Variants in POLRMT observed in about 807,000 individuals in gnomAD.
The protein encoded by POLRMT is RNA polymerase mitochondrial, also known as DNA-directed RNA polymerase, mitochondrial.
A neutral mutation model predicts 132.2 loss-of-function variants in POLRMT; 114 were observed. The ratio of observed to expected loss-of-function variants is 0.86; its 90% CI spans 0.74 to 1.01. POLRMT has a LOEUF of 1.01. Among genes scored for constraint, POLRMT ranks in the 50% least tolerant of loss-of-function variants. The pLI is 0.00. For missense variants in POLRMT, 2,003 were observed against 1,729.1 expected (o/e 1.16, Z -2.81); for synonymous variants, 1,020 against 773.4 (o/e 1.32, Z -5.29).
chr19:623,113 T>A (rs1276380440), intron 6 of POLRMT, 128 bp from the exon 7 acceptor site: 1 of 1,227,440 alleles, frequency 8.1e-7, no homozygotes, highest in African/African-American at 1.5e-5. Flanking sequence ...GTGTTCCGGG[T>A]AGCTCCTCAC....
chr19:627,944 A>G (rs1263326233), intron 3 of POLRMT, among the ~76,000 whole-genome samples: 2 of 147,674 alleles, frequency 1.4e-5, no homozygotes, highest in East Asian at 2.0e-4. Context: ...AAAAAAAAAA[A>G]GATAGAAGCA....
chr19:620,039 G>A lies in POLRMT; in HGVS notation c.2805C>T (p.Gly935=), dbSNP rs769592980. ...CNGLQHYAAL[G]RDSVGAASVN... ...CGGAGGCGGCGCCCACGCTGTCGCG[G>A]CCCAGAGCAGCATAATGCTGCAGGC... The change falls in exon 12 of 21, where the codon GGC becomes GGT. Residue 935 remains glycine (G), a synonymous_variant. Transcript: ENST00000588649. 8 of 1,556,576 alleles carry A rather than the reference G, an allele frequency of 5.1e-6. No individual in the cohort carries two copies. The highest frequency in any genetic ancestry group is 1.4e-5 in the African/African-American group (1 of 74,006).
chr19:631,131 C>G (rs1459355919), intron 2 of POLRMT, among the ~76,000 whole-genome samples: 1 of 151,680 alleles, frequency 6.6e-6, no homozygotes, highest in Non-Finnish European at 1.5e-5. Context: ...TGAACTCCAG[C>G]CTGGGCAACA....
intron 6 of POLRMT, 61 bp from the exon 7 acceptor site, chr19:623,046 G>C: frequency 6.4e-7 from 1 of 1,573,002 alleles, no homozygotes; most frequent in East Asian, 2.3e-5. Context: ...AGGCTCACAG[G>C]ACGGGGGTCA....
At chr19:626,474 C>CT (rs984344095) in intron 3 of POLRMT, among the ~76,000 whole-genome samples, 1 of 150,314 alleles carries the variant, frequency 6.7e-6, no homozygotes, top group Non-Finnish European at 1.5e-5. Context: ...TAAATATCCC[C>CT]TGCAATTTTT....
chr19:626,414 A>C (rs1443119684), intron 3 of POLRMT, among the ~76,000 whole-genome samples: 1 of 148,996 alleles, frequency 6.7e-6, no homozygotes, highest in African/African-American at 2.5e-5. Context: ...TCGGCCTCCC[A>C]AAGTGCTGGG....
Position 629,841 on chromosome 19 carries a change from C to A in POLRMT, c.521G>T (p.Cys174Phe), listed in dbSNP as rs146345748. Residue 174 changes from cysteine (C) to phenylalanine (F), a missense_variant, in exon 3 of 21, where the codon TGC (cysteine) becomes TTC (phenylalanine). Physicochemically the swap from Cys to Phe is radical, Grantham distance 205. Coordinates refer to ENST00000588649, the MANE Select transcript of POLRMT (RefSeq NM_005035.4). The stretch of plus-strand genomic sequence containing the variant: ...GGCCTGGCGCGTGCAGTCCTCCAGG[C>A]ACCCGGCCATCTGCTTGCTCAGGAG... ...PRLLSKQMAG[C>F]LEDCTRQAPE... is the part of the protein sequence containing the mutation. The A allele has an allele frequency of 3.7e-6, 6 of 1,604,478 alleles. No homozygotes were observed. Among genetic ancestry groups the A allele is most frequent in the Non-Finnish European group, 5.1e-6 (6 of 1,175,922 alleles).
chr19:632,822 G>T lies in POLRMT; in HGVS notation c.193+12C>A. Reference sequence around the variant, plus strand: ...CTCTCCTCTCCCGGGCCGCCGTGGGGGTCGCGCTCACCCTCCAGCAGCTCC... The same window carrying T: ...CTCTCCTCTCCCGGGCCGCCGTGGGTGTCGCGCTCACCCTCCAGCAGCTCC... On this transcript the variant is annotated intron_variant, in intron 2 of 20. Transcript: ENST00000588649. 1 of 1,531,170 alleles carries T rather than the reference G, an allele frequency of 6.5e-7. No individual in the cohort carries two copies. Among genetic ancestry groups the T allele is most frequent in the Non-Finnish European group, 8.8e-7 (1 of 1,140,862 alleles). The allele number at this position is 1,531,170 out of a possible 1,614,324, so 94.8% of individuals were successfully genotyped here.
At chr19:618,296 G>A (rs1984176229) in intron 17 of POLRMT, 192 bp downstream of exon 17, 2 of 582,756 alleles carry the variant, frequency 3.4e-6, no homozygotes, top group South Asian at 2.2e-5. Flanking sequence ...CGGGCCACAG[G>A]AGGGGAGCTG....
In POLRMT at chr19:617,668, C is replaced by CA; in HGVS notation, c.3496-14dup. 1.9e-6 allele frequency: 3 copies of CA among 1,612,538 alleles called. No individual in the cohort carries two copies. The highest frequency in any genetic ancestry group is 8.5e-7 in the Non-Finnish European group (1 of 1,179,916). On this transcript the variant is annotated splice_polypyrimidine_tract_variant and intron_variant, in intron 18 of 20. Transcript: ENST00000588649. The stretch of plus-strand genomic sequence containing the variant: ...GCTCCCGGCACACCTGGGCAGGAGT[C>CA]AGAGGATCCCCAGGGGTGATCAGGC...
intron 8 of POLRMT, 49 bp from the exon 9 acceptor site, chr19:622,422 G>A (rs1432488093): frequency 6.7e-7 from 1 of 1,500,198 alleles, no homozygotes; most frequent in African/African-American, 1.4e-5. Context: ...CCCTGAGCTA[G>A]ATGCCCCACC....
Position 618,673 on chromosome 19 carries a change from CGGCCAGGCCCCAGCCCG to C in POLRMT, c.3323+15_3323+31del, listed in dbSNP as rs1568374666. Reference sequence around the variant, plus strand: ...CCACCGTGGCTGCTCTCCAGACCCCCGGCCAGGCCCCAGCCCGGGCCCCCCACTCACCGGCTGATGTC... The same window carrying C: ...CCACCGTGGCTGCTCTCCAGACCCCCGGCCCCCCACTCACCGGCTGATGTC... On this transcript the variant is annotated intron_variant, in intron 16 of 20. Transcript: ENST00000588649. 2 of 1,604,628 alleles carry C rather than the reference CGGCCAGGCCCCAGCCCG, an allele frequency of 1.2e-6. No individual in the cohort carries two copies. The highest frequency in any genetic ancestry group is 1.7e-6 in the Non-Finnish European group (2 of 1,175,422).
intron 9 of POLRMT, 132 bp downstream of exon 9, chr19:622,017 G>A (rs970260027): frequency 8.9e-7 from 1 of 1,129,360 alleles, no homozygotes; most frequent in Non-Finnish European, 1.2e-6. Context: ...GGACACCCAT[G>A]GTGTGTCCCG....
intron 5 of POLRMT, among the ~76,000 whole-genome samples, 154 bp from the exon 6 acceptor site, chr19:623,757 C>T (rs551326991): frequency 9.2e-5 from 14 of 152,324 alleles, no homozygotes; most frequent in African/African-American, 3.1e-4. Context: ...CGGGTAAAGT[C>T]AGTGCCAGCA....
In POLRMT at chr19:623,595, A is replaced by AC; in HGVS notation, c.1148dup (p.Val384CysfsTer18). 1 of 1,613,434 alleles carries AC rather than the reference A, an allele frequency of 6.2e-7. No homozygotes were observed. Among genetic ancestry groups the AC allele is most frequent in the South Asian group, 1.1e-5 (1 of 91,084 alleles). On this transcript the variant is annotated frameshift_variant, in exon 6 of 21. Transcript: ENST00000588649. LOFTEE classifies it high-confidence loss of function. ...GCAGGTGCAGCTTCGGGTAGGACACACGCCCATCCTGCAGGGATGGGGGTA... is the reference window on the plus strand; with the variant it reads ...GCAGGTGCAGCTTCGGGTAGGACACACCGCCCATCCTGCAGGGATGGGGGTA...
chr19:629,718 G>C lies in POLRMT; in HGVS notation c.644C>G (p.Ser215Trp), dbSNP rs766303672. The C allele has an allele frequency of 1.3e-6, 2 of 1,593,354 alleles. No individual in the cohort carries two copies. The highest frequency in any genetic ancestry group is 1.8e-5 in the Admixed American group (1 of 57,028). ...CTGCTGACCTGAGAGCTGGGCCTGCGAGTGCTGCCCCGACGGGGCCTGCTC... is the reference window on the plus strand; with the variant it reads ...CTGCTGACCTGAGAGCTGGGCCTGCCAGTGCTGCCCCGACGGGGCCTGCTC... ...DVEQAPSGQH[S>W]QAQLSGQQQR... Residue 215 changes from serine (S) to tryptophan (W), a missense_variant, in exon 3 of 21, where the codon TCG (serine) becomes TGG (tryptophan). Physicochemically the swap from Ser to Trp is radical, Grantham distance 177 (BLOSUM62 -3). Coordinates refer to ENST00000588649, the MANE Select transcript of POLRMT (RefSeq NM_005035.4).
intron 6 of POLRMT, 66 bp downstream of exon 6, chr19:623,388 G>A: frequency 2.6e-6 from 4 of 1,559,878 alleles, no homozygotes; most frequent in Non-Finnish European, 3.5e-6. Flanking sequence ...GGCTCAGCCC[G>A]TGCGGTGGAC....
At chr19:622,489 CTG>C (rs947394281) in intron 8 of POLRMT, 91 bp downstream of exon 8, 2 of 1,480,606 alleles carry the variant, frequency 1.4e-6, no homozygotes, top group African/African-American at 2.8e-5. Context: ...GATGAACAGA[CTG>C]AAGCTTGGGT....
intron 1 of POLRMT, 111 bp from the exon 2 acceptor site, chr19:633,049 C>A: frequency 1.3e-6 from 1 of 760,298 alleles, no homozygotes. Flanking sequence ...GCAGCGGAAA[C>A]TCTCGGAGCA....
Sources: gnomAD v4.1 joint callset for allele counts (sites outside exome capture counted in the v4.1 genomes callset) on GRCh38, gnomAD v4.1.1 for gene constraint, MANE v1.5 for transcripts, NCBI Gene and HGNC (gene_info 2026-07-23, HGNC 2026-07-21) for gene names.